The following SCHIP1 variants were observed in gnomAD, a reference collection of about 807,000 sequenced individuals.
SCHIP1 encodes schwannomin interacting protein 1, also known as schwannomin-interacting protein 1.
A neutral mutation model predicts 29.7 loss-of-function variants in SCHIP1; 8 were observed. The observed-to-expected ratio is 0.27, with a 90% CI of 0.16 to 0.49. The LOEUF is 0.49. Among genes scored for constraint, SCHIP1 ranks in the 20% least tolerant of loss-of-function variants. SCHIP1 has a pLI of 0.99. For missense variants in SCHIP1, 193 were observed against 294.6 expected (o/e 0.66, Z 2.52); for synonymous variants, 76 against 94.9 (o/e 0.80, Z 1.16).
chr3:159,711,005 CTT>C, the SCHIP1 span, among the ~76,000 whole-genome samples: 1 of 152,086 alleles, frequency 6.6e-6, no homozygotes, highest in Admixed American at 6.5e-5. Context: ...AAAGAAATCT[CTT>C]TGTTGTGTCC....
chr3:159,769,863 T>C, the SCHIP1 span, among the ~76,000 whole-genome samples: 1 of 152,356 alleles, frequency 6.6e-6, no homozygotes, highest in East Asian at 1.9e-4. Context: ...GTATGGCATA[T>C]GTATGTGTTT....
chr3:159,828,442 T>TATATATAC, the SCHIP1 span, among the ~76,000 whole-genome samples: 7 of 57,514 alleles, frequency 1.2e-4, no homozygotes, highest in African/African-American at 3.4e-4. Context: ...TATATATACG[T>TATATATAC]ATATATATAC....
chr3:159,853,326 C>G, intron 1 of SCHIP1: 1 of 666,014 alleles, frequency 1.5e-6, no homozygotes, highest in South Asian at 1.7e-5. Flanking sequence ...GCACATCAGC[C>G]TATCAGAATT....
the SCHIP1 span, among the ~76,000 whole-genome samples, chr3:159,728,904 C>T: frequency 6.6e-6 from 1 of 152,194 alleles, no homozygotes; most frequent in Non-Finnish European, 1.5e-5. Context: ...AATACCACCA[C>T]TTTGGGAGGC....
the SCHIP1 span, among the ~76,000 whole-genome samples, chr3:159,549,919 T>C: frequency 1.3e-5 from 2 of 152,066 alleles, no homozygotes; most frequent in Non-Finnish European, 2.9e-5. Flanking sequence ...TGGGGAAGAG[T>C]CATGTCTGGT....
the SCHIP1 span, among the ~76,000 whole-genome samples, chr3:159,687,218 A>G: frequency 6.6e-6 from 1 of 152,006 alleles, no homozygotes; most frequent in Non-Finnish European, 1.5e-5. Flanking sequence ...TTCCCTCTAC[A>G]ATCAGATCCA....
chr3:159,324,185 G>A, the SCHIP1 span, among the ~76,000 whole-genome samples: 1 of 151,926 alleles, frequency 6.6e-6, no homozygotes, highest in Non-Finnish European at 1.5e-5. Flanking sequence ...TGTATATTCA[G>A]TTTCTCAATA....
chr3:159,717,424 A>C, the SCHIP1 span, among the ~76,000 whole-genome samples: 1 of 152,220 alleles, frequency 6.6e-6, no homozygotes, highest in Non-Finnish European at 1.5e-5. Context: ...CCTTCAAAAA[A>C]ATCAATGAAT....
chr3:159,559,656 A>G, the SCHIP1 span, among the ~76,000 whole-genome samples: 2 of 152,214 alleles, frequency 1.3e-5, no homozygotes, highest in Non-Finnish European at 2.9e-5. Flanking sequence ...CCTAACTCCT[A>G]TTAAAATACA....
the SCHIP1 span, among the ~76,000 whole-genome samples, chr3:159,291,645 G>A: frequency 0.01 from 1,569 of 152,228 alleles, 30 homozygotes; most frequent in African/African-American, 0.036. Context: ...GCATCAGTAA[G>A]AGTGTATCTT....
chr3:159,298,158 C>T, the SCHIP1 span, among the ~76,000 whole-genome samples: 9 of 152,192 alleles, frequency 5.9e-5, no homozygotes, highest in African/African-American at 2.2e-4. Flanking sequence ...GACCATTCTA[C>T]AGCTCACATA....
the SCHIP1 span, among the ~76,000 whole-genome samples, chr3:159,619,676 C>T: frequency 6.6e-6 from 1 of 152,188 alleles, no homozygotes; most frequent in African/African-American, 2.4e-5. Context: ...ATTTCTGTAG[C>T]TGGGGAAACT....
chr3:159,855,157 G>C (rs1180949138), intron 1 of SCHIP1, among the ~76,000 whole-genome samples: 1 of 152,084 alleles, frequency 6.6e-6, no homozygotes. Context: ...TAAACATGAG[G>C]GTTGTTCTCT....
the SCHIP1 span, among the ~76,000 whole-genome samples, chr3:159,644,758 C>T: frequency 6.6e-6 from 1 of 152,184 alleles, no homozygotes; most frequent in Non-Finnish European, 1.5e-5. Flanking sequence ...CTTACTTTTT[C>T]AAGTACTGTG....
chr3:159,736,641 G>A, the SCHIP1 span, among the ~76,000 whole-genome samples: 1 of 152,148 alleles, frequency 6.6e-6, no homozygotes, highest in African/African-American at 2.4e-5. Flanking sequence ...CCCTTCCAAG[G>A]GAGAGAGACT....
chr3:159,732,483 G>A, the SCHIP1 span, among the ~76,000 whole-genome samples: 2 of 152,146 alleles, frequency 1.3e-5, no homozygotes, highest in Non-Finnish European at 2.9e-5. Context: ...TAGAAAGACT[G>A]GTATGAAAGG....
the SCHIP1 span, among the ~76,000 whole-genome samples, chr3:159,500,474 G>A: frequency 1.3e-5 from 2 of 152,158 alleles, no homozygotes; most frequent in African/African-American, 4.8e-5. Context: ...AGCACTTTGG[G>A]AGGCCGACAC....
chr3:159,519,618 T>G, the SCHIP1 span, among the ~76,000 whole-genome samples: 2 of 152,166 alleles, frequency 1.3e-5, no homozygotes, highest in Non-Finnish European at 2.9e-5. Context: ...AAAAAATTAT[T>G]TTTGTGGTAA....
the SCHIP1 span, among the ~76,000 whole-genome samples, chr3:159,464,967 G>A: frequency 6.6e-6 from 1 of 152,102 alleles, no homozygotes; most frequent in Non-Finnish European, 1.5e-5. Context: ...TCGTTCTCAT[G>A]TCAGAAAGAA....
Sources: allele counts gnomAD v4.1 joint callset (sites outside exome capture counted in the v4.1 genomes callset), GRCh38; gene constraint gnomAD v4.1.1; transcripts MANE v1.5; gene names NCBI Gene and HGNC (gene_info 2026-07-23, HGNC 2026-07-21).